The following CCDC6 variants were observed in gnomAD, a reference collection of about 807,000 sequenced individuals.
CCDC6 encodes the protein coiled-coil domain-containing protein 6.
A neutral mutation model predicts 56.6 loss-of-function variants in CCDC6; 20 were observed. That is an observed-to-expected ratio of 0.35 (90% CI 0.25 to 0.51). The LOEUF is 0.51. Among genes scored for constraint, CCDC6 ranks in the 20% least tolerant of loss-of-function variants. The probability of loss-of-function intolerance (pLI) is 0.95; values close to 1 mark genes in which losing one functional copy is unlikely to be tolerated. For synonymous variants in CCDC6, 241 were observed against 234.4 expected (o/e 1.03, Z -0.26); for missense variants, 367 against 601.1 (o/e 0.61, Z 4.07).
At chr10:59,836,368 T>C (rs768517229) in intron 2 of CCDC6, among the ~76,000 whole-genome samples, 25 of 152,196 alleles carry the variant, frequency 1.6e-4, no homozygotes, top group South Asian at 6.2e-4. Context: ...CTGGGAAGCC[T>C]GGTGCAGGGT....
At chr10:59,898,577 G>A (rs1453916871) in intron 1 of CCDC6, among the ~76,000 whole-genome samples, 4 of 152,218 alleles carry the variant, frequency 2.6e-5, no homozygotes, top group Admixed American at 1.3e-4. Flanking sequence ...CAAGGCTGGA[G>A]AGAAAGGCTG....
chr10:59,820,448 CATT>C (rs1208533510), intron 3 of CCDC6, among the ~76,000 whole-genome samples: 1 of 152,050 alleles, frequency 6.6e-6, no homozygotes, highest in Non-Finnish European at 1.5e-5. Context: ...GAAAGCAGTC[CATT>C]ATAACTACGA....
At chr10:59,817,974 G>A (rs191036167) in intron 3 of CCDC6, among the ~76,000 whole-genome samples, 2 of 152,156 alleles carry the variant, frequency 1.3e-5, no homozygotes, top group African/African-American at 4.8e-5. Context: ...CCACTAGCCT[G>A]CAAGATGACA....
chr10:59,823,046 C>T (rs1184845038), intron 3 of CCDC6, among the ~76,000 whole-genome samples: 2 of 152,134 alleles, frequency 1.3e-5, no homozygotes. Context: ...CCTACCTGCC[C>T]CATCCCCTTT....
chr10:59,810,123 C>G (rs1315076644), intron 5 of CCDC6, among the ~76,000 whole-genome samples: 1 of 152,170 alleles, frequency 6.6e-6, no homozygotes, highest in Admixed American at 6.5e-5. Context: ...TTGCTGAGAA[C>G]TGTTGAGAGA....
intron 1 of CCDC6, among the ~76,000 whole-genome samples, chr10:59,894,418 C>T (rs2071447400): frequency 6.6e-6 from 1 of 152,206 alleles, no homozygotes; most frequent in Non-Finnish European, 1.5e-5. Context: ...TAGATCGTGA[C>T]TAAGAAATCT....
rs57361441 is a variant in CCDC6 at position 59,793,210 on chromosome 10, C to T, written c.1231-99G>A. 4.7e-3 allele frequency: 4,026 copies of T among 863,584 alleles called. 117 individuals are homozygous for T. The African/African-American group carries it at 0.06, about 13-fold the overall frequency. 53.5% of individuals were successfully genotyped at this position (863,584 alleles called of 1,614,324 possible). Reference sequence around the variant, plus strand: ...GGCACTGGGGCTAATCAAACACTAACCAACAAAGACAAGAAACCAGGGATT... The same window carrying T: ...GGCACTGGGGCTAATCAAACACTAATCAACAAAGACAAGAAACCAGGGATT... On this transcript the variant is annotated intron_variant, in intron 8 of 8. Coordinates refer to ENST00000263102, the MANE Select transcript of CCDC6 (RefSeq NM_005436.5).
At chr10:59,884,179 GA>G (rs1285317715) in intron 1 of CCDC6, among the ~76,000 whole-genome samples, 1 of 151,892 alleles carries the variant, frequency 6.6e-6, no homozygotes, top group African/African-American at 2.4e-5. Context: ...TAAGTTTCAG[GA>G]AAAAAATAAA....
intron 1 of CCDC6, among the ~76,000 whole-genome samples, chr10:59,899,321 C>G (rs143018487): frequency 1.1e-3 from 163 of 152,290 alleles, no homozygotes; most frequent in African/African-American, 3.5e-3. Context: ...CACCTACCCA[C>G]TAAGGAAAAA....
At chr10:59,881,610 G>A (rs924928629) in intron 1 of CCDC6, among the ~76,000 whole-genome samples, 1 of 152,144 alleles carries the variant, frequency 6.6e-6, no homozygotes, top group East Asian at 1.9e-4. Context: ...GGCATGGATG[G>A]CCAGAGGAGA....
intron 1 of CCDC6, among the ~76,000 whole-genome samples, chr10:59,891,807 T>C (rs934080582): frequency 6.6e-6 from 1 of 152,162 alleles, no homozygotes; most frequent in African/African-American, 2.4e-5. Flanking sequence ...GTTCATCAGA[T>C]AAAATAGCCT....
chr10:59,810,779 T>C (rs1193139250), intron 5 of CCDC6, among the ~76,000 whole-genome samples: 1 of 152,122 alleles, frequency 6.6e-6, no homozygotes, highest in Non-Finnish European at 1.5e-5. Flanking sequence ...GATGTCCACA[T>C]GCTAATCCCC....
At chr10:59,794,433 T>G in intron 8 of CCDC6, 40 bp downstream of exon 8, 2 of 1,609,952 alleles carry the variant, frequency 1.2e-6, no homozygotes, top group Non-Finnish European at 1.7e-6. Context: ...GGTACCACTT[T>G]CAGGAGTAAA....
At chr10:59,898,903 C>A (rs1253786211) in intron 1 of CCDC6, among the ~76,000 whole-genome samples, 6 of 152,122 alleles carry the variant, frequency 3.9e-5, no homozygotes, top group Non-Finnish European at 7.3e-5. Flanking sequence ...CTCCATATGT[C>A]TGATCCAGGA....
At chr10:59,856,451 T>C (rs2071081369) in intron 1 of CCDC6, among the ~76,000 whole-genome samples, 1 of 152,186 alleles carries the variant, frequency 6.6e-6, no homozygotes, top group African/African-American at 2.4e-5. Flanking sequence ...AAGTGTCCAT[T>C]TGACTTCTCC....
chr10:59,865,753 A>G (rs2071171301), intron 1 of CCDC6, among the ~76,000 whole-genome samples: 1 of 149,812 alleles, frequency 6.7e-6, no homozygotes, highest in South Asian at 2.1e-4. Flanking sequence ...TTAGGAGGCT[A>G]AAGCAGGAGA....
intron 7 of CCDC6, 59 bp downstream of exon 7, chr10:59,804,361 G>C: frequency 1.1e-6 from 1 of 933,420 alleles, no homozygotes; most frequent in Non-Finnish European, 1.8e-6. Context: ...ACACAGTCAG[G>C]GTTGCCTATT....
At chr10:59,882,841 T>C (rs971817022) in intron 1 of CCDC6, among the ~76,000 whole-genome samples, 1 of 152,060 alleles carries the variant, frequency 6.6e-6, no homozygotes. Context: ...GCACCTGTAA[T>C]CCCAGCTACT....
intron 1 of CCDC6, among the ~76,000 whole-genome samples, chr10:59,868,422 A>G (rs2071196217): frequency 6.6e-6 from 1 of 152,194 alleles, no homozygotes; most frequent in South Asian, 2.1e-4. Context: ...TACGTTGTCC[A>G]GCCCGCCGCC....
Sources: allele counts gnomAD v4.1 joint callset (sites outside exome capture counted in the v4.1 genomes callset), GRCh38; gene constraint gnomAD v4.1.1; transcripts MANE v1.5; gene names NCBI Gene and HGNC (gene_info 2026-07-23, HGNC 2026-07-21).